Variants in SIGLECL1 observed in about 807,000 individuals in gnomAD.
SIGLECL1 encodes SIGLEC family like 1.
In SIGLECL1, 16 loss-of-function variants were observed where a neutral mutation model predicts 19.1. The observed-to-expected ratio is 0.84, with a 90% CI of 0.57 to 1.27. The LOEUF (loss-of-function observed/expected upper bound fraction) is 1.27. SIGLECL1 is among the 50% of genes most tolerant of loss of function. The pLI is 0.00. For synonymous variants in SIGLECL1, 89 were observed against 90.4 expected (o/e 0.98, Z 0.09); for missense variants, 210 against 239.4 (o/e 0.88, Z 0.81).
At chr19:51,265,951 A>G in intron 4 of SIGLECL1, 69 bp downstream of exon 4, 1 of 1,513,488 alleles carries the variant, frequency 6.6e-7, no homozygotes, top group Non-Finnish European at 9.2e-7. Flanking sequence ...GCCCTGGCAC[A>G]GAGAGAGCAA....
chr19:51,247,476 T>C (rs1419982793), upstream of SIGLECL1, among the ~76,000 whole-genome samples: 2 of 151,940 alleles, frequency 1.3e-5, no homozygotes, highest in Non-Finnish European at 2.9e-5. Context: ...TGGAGTGCAC[T>C]GGTGTGATCT....
upstream of SIGLECL1, among the ~76,000 whole-genome samples, chr19:51,250,735 C>T (rs368539288): frequency 5.0e-3 from 763 of 152,346 alleles, 6 homozygotes; most frequent in African/African-American, 0.017. Flanking sequence ...GGCCCACAAA[C>T]TACCCTGGCA....
At chr19:51,257,310 G>T (rs1982876369) in intron 1 of SIGLECL1, among the ~76,000 whole-genome samples, 2 of 151,924 alleles carry the variant, frequency 1.3e-5, no homozygotes, top group Non-Finnish European at 2.9e-5. Context: ...GGAGGCTGAG[G>T]TGGGAAGATT....
intron 2 of SIGLECL1, 60 bp from the exon 3 acceptor site, chr19:51,265,308 G>A (rs1412195723): frequency 1.6e-5 from 25 of 1,530,094 alleles, no homozygotes; most frequent in Non-Finnish European, 1.9e-5. Flanking sequence ...CTGCATGCTG[G>A]AGAAACTGGA....
chr19:51,253,157 T>C (rs914375671), intron 1 of SIGLECL1, among the ~76,000 whole-genome samples: 2 of 152,160 alleles, frequency 1.3e-5, no homozygotes, highest in African/African-American at 4.8e-5. Flanking sequence ...TGATAGGAGC[T>C]AAGCAGGGAA....
chr19:51,259,343 C>A (rs1212519072), intron 1 of SIGLECL1, among the ~76,000 whole-genome samples: 1 of 152,174 alleles, frequency 6.6e-6, no homozygotes, highest in Non-Finnish European at 1.5e-5. Flanking sequence ...AGTTCCCCTA[C>A]GTACTATTAT....
chr19:51,257,092 T>C (rs1203256168), intron 1 of SIGLECL1, among the ~76,000 whole-genome samples: 4 of 152,136 alleles, frequency 2.6e-5, no homozygotes, highest in Non-Finnish European at 5.9e-5. Context: ...ATAATGAGCA[T>C]ATACCCACCA....
intron 1 of SIGLECL1, among the ~76,000 whole-genome samples, chr19:51,253,348 C>T (rs1982612274): frequency 6.6e-6 from 1 of 151,706 alleles, no homozygotes; most frequent in South Asian, 2.1e-4. Context: ...AGCTAACCTT[C>T]ATATCTAGGC....
chr19:51,254,153 C>G (rs1294601901), intron 1 of SIGLECL1, among the ~76,000 whole-genome samples: 1 of 152,024 alleles, frequency 6.6e-6, no homozygotes, highest in Non-Finnish European at 1.5e-5. Flanking sequence ...ACTCGACTCT[C>G]TCTCTACAGA....
chr19:51,253,082 A>G (rs1599788977), intron 1 of SIGLECL1, among the ~76,000 whole-genome samples: 2 of 150,784 alleles, frequency 1.3e-5, no homozygotes, highest in Admixed American at 1.3e-4. Flanking sequence ...AGCCATGTTC[A>G]TGCCACTGCA....
chr19:51,250,084 CTT>C (rs529491900), upstream of SIGLECL1, among the ~76,000 whole-genome samples: 2 of 141,058 alleles, frequency 1.4e-5, no homozygotes, highest in Non-Finnish European at 1.6e-5. Context: ...TGGCTGGCTT[CTT>C]TTTTTTTTTT....
intron 1 of SIGLECL1, among the ~76,000 whole-genome samples, 164 bp downstream of exon 1, chr19:51,251,709 C>G (rs901092866): frequency 2.0e-5 from 3 of 152,206 alleles, no homozygotes; most frequent in African/African-American, 7.2e-5. Flanking sequence ...AAGTTACACC[C>G]CTGCAAGGCA....
Position 51,264,078 on chromosome 19 carries a change from TC to T in SIGLECL1, c.8del (p.Pro3HisfsTer55), listed in dbSNP as rs1983448896. 1.2e-6 allele frequency: 2 copies of T among 1,614,064 alleles called. No individual in the cohort carries two copies. The highest frequency in any genetic ancestry group is 1.3e-5 in the African/African-American group (1 of 75,060). ML[P>X]LLQLVPAKLL... ...AACTGTTGCTGCTGGAAGTGATGCT[TC>T]CACTGCTACAGCTGGGTAAGTAAGG... On this transcript the variant is annotated frameshift_variant, in exon 2 of 6. Coordinates refer to ENST00000601727, the MANE Select transcript of SIGLECL1 (RefSeq NM_001385465.1). LOFTEE classifies it high-confidence loss of function.
intron 1 of SIGLECL1, among the ~76,000 whole-genome samples, chr19:51,258,388 G>A (rs1049562261): frequency 6.6e-6 from 1 of 152,074 alleles, no homozygotes; most frequent in Non-Finnish European, 1.5e-5. Flanking sequence ...GGGCTGTCCT[G>A]CGGTCACCTG....
At chr19:51,263,707 G>A (rs756686368) in intron 1 of SIGLECL1, among the ~76,000 whole-genome samples, 176 bp from the exon 2 acceptor site, 10 of 152,124 alleles carry the variant, frequency 6.6e-5, no homozygotes, top group African/African-American at 2.2e-4. Context: ...GCAGTGAGCC[G>A]AGATCGAGCC....
At chr19:51,261,644 A>T (rs138433877) in intron 1 of SIGLECL1, among the ~76,000 whole-genome samples, 11 of 152,296 alleles carry the variant, frequency 7.2e-5, no homozygotes, top group African/African-American at 2.6e-4. Flanking sequence ...TTTTGTAAAC[A>T]GCATGGAGTT....
chr19:51,250,578 T>C (rs181237022), upstream of SIGLECL1, among the ~76,000 whole-genome samples: 23 of 152,298 alleles, frequency 1.5e-4, no homozygotes, highest in Admixed American at 1.4e-3. Flanking sequence ...TCTGTCATTT[T>C]GAAAGTGTAA....
At chr19:51,262,156 C>G (rs1401794811) in intron 1 of SIGLECL1, among the ~76,000 whole-genome samples, 6 of 152,304 alleles carry the variant, frequency 3.9e-5, no homozygotes, top group Non-Finnish European at 8.8e-5. Context: ...TCCATTTTAT[C>G]CATATTTCCT....
intron 4 of SIGLECL1, among the ~76,000 whole-genome samples, chr19:51,266,396 T>C (rs1292478668): frequency 2.0e-5 from 3 of 151,924 alleles, no homozygotes; most frequent in Non-Finnish European, 2.9e-5. Context: ...AAATATTATA[T>C]AAAATTACCT....
Sources: allele counts gnomAD v4.1 joint callset (sites outside exome capture counted in the v4.1 genomes callset), GRCh38; gene constraint gnomAD v4.1.1; transcripts MANE v1.5; gene names NCBI Gene and HGNC (gene_info 2026-07-23, HGNC 2026-07-21).